PBXIP1: variants seen among roughly 807,000 people sequenced by gnomAD.
PBXIP1 encodes pre-B-cell leukemia transcription factor-interacting protein 1.
In PBXIP1, 73 loss-of-function variants were observed where a neutral mutation model predicts 73.7. The observed-to-expected ratio is 0.99, with a 90% CI of 0.82 to 1.20. The LOEUF is 1.20. Ranked by LOEUF, PBXIP1 falls within the 50% of genes most tolerant of loss-of-function variation. PBXIP1 has a pLI of 0.00. For synonymous variants in PBXIP1, 330 were observed against 366.9 expected (o/e 0.90, Z 1.15); for missense variants, 818 against 911.4 (o/e 0.90, Z 1.32).
intron 1 of PBXIP1, chr1:154,954,965 AACC>A: frequency 2.0e-6 from 2 of 984,908 alleles, no homozygotes; most frequent in Admixed American, 1.2e-4. Flanking sequence ...CTTTGAAACC[AACC>A]ACATTATCCC....
chr1:154,947,765 T>C, intron 7 of PBXIP1, 53 bp from the exon 8 acceptor site: 1 of 1,553,254 alleles, frequency 6.4e-7, no homozygotes, highest in Non-Finnish European at 8.8e-7. Context: ...GAGCCCATTC[T>C]CCCCACACCT....
At position 154,951,804 on chromosome 1, in the gene PBXIP1, C is replaced by A; in HGVS notation, c.169G>T (p.Asp57Tyr). Residue 57 changes from aspartate (D) to tyrosine (Y), a missense_variant, in exon 3 of 11, where the codon GAT (aspartate) becomes TAT (tyrosine). Asp to Tyr is a radical substitution (Grantham distance 160, BLOSUM62 -3). Coordinates refer to ENST00000368463, the MANE Select transcript of PBXIP1 (RefSeq NM_020524.4). The surrounding 1 kb of genome is among the most constrained non-coding windows in gnomAD (Gnocchi z 4.3). ...TDGKELAGTMDGEGTLFQTES... is the reference protein window; with the variant it reads ...TDGKELAGTMYGEGTLFQTES... ...AAGCAGGGCCCAGTACCTTCTCCATCCATGGTCCCAGCTAATTCTTTCCCA... is the reference window on the plus strand; with the variant it reads ...AAGCAGGGCCCAGTACCTTCTCCATACATGGTCCCAGCTAATTCTTTCCCA... 1 of 1,613,996 alleles carries A rather than the reference C, an allele frequency of 6.2e-7. No homozygotes were observed. The highest frequency in any genetic ancestry group is 8.5e-7 in the Non-Finnish European group (1 of 1,179,948).
At position 154,951,357 on chromosome 1, in the gene PBXIP1, C is replaced by T. The variant is rs1284978836; in HGVS notation, c.284G>A (p.Gly95Asp). The T allele has an allele frequency of 1.2e-6, 2 of 1,613,992 alleles. No homozygotes were observed. Among genetic ancestry groups the T allele is most frequent in the East Asian group, 4.5e-5 (2 of 44,900 alleles). ...TCCCTGGACTACTGTGTCTCCTGGG[C>T]CAGGAGGCTCCACACCACAAACATC... ...EGDVCGVEPPGPGDTVVQGDL... is the reference protein window; with the variant it reads ...EGDVCGVEPPDPGDTVVQGDL... The change falls in exon 5 of 11, where the codon GGC becomes GAC. Residue 95 changes from glycine to aspartate, a missense_variant. Gly to Asp is a moderately conservative substitution (Grantham distance 94). Transcript: ENST00000368463. This position sits in a 1 kb window ranked among gnomAD's most constrained non-coding sequence, Gnocchi z 4.3.
intron 1 of PBXIP1, among the ~76,000 whole-genome samples, 183 bp from the exon 2 acceptor site, chr1:154,953,940 A>C (rs1194815802): frequency 6.6e-6 from 1 of 152,170 alleles, no homozygotes; most frequent in Non-Finnish European, 1.5e-5. Flanking sequence ...TGCAAATCAG[A>C]ATCTGCCAAC....
At chr1:154,955,938 C>A (rs955725981) in intron 1 of PBXIP1, 131 bp downstream of exon 1, 5 of 152,390 alleles carry the variant, frequency 3.3e-5, no homozygotes, top group African/African-American at 1.2e-4. Context: ...TTAGCGTCGG[C>A]ACCTGGCCTT....
chr1:154,947,078 C>T, intron 9 of PBXIP1: 1 of 570,002 alleles, frequency 1.8e-6, no homozygotes, highest in Admixed American at 3.5e-5. Flanking sequence ...ATGTGTGGCT[C>T]TCACAGTCTT....
rs770126124 is a variant in PBXIP1 at position 154,948,316 on chromosome 1, C to A, written c.460G>T (p.Val154Leu). ...RCSSSDDDTDVDMEGLRRRRG... is the reference protein window; with the variant it reads ...RCSSSDDDTDLDMEGLRRRRG... ...CGTCTCCGCAGACCCTCCATGTCCA[C>A]GTCGGTGTCATCGTCACTGCTGGAG... is the stretch of plus-strand genomic sequence containing the variant. Residue 154 changes from valine (V) to leucine (L), a missense_variant, in exon 6 of 11, where the codon GTG becomes TTG. Physicochemically the swap from Val to Leu is conservative, Grantham distance 32 (BLOSUM62 1). Transcript: ENST00000368463. 2.5e-5 allele frequency: 41 copies of A among 1,610,046 alleles called. No individual in the cohort carries two copies. The highest frequency in any genetic ancestry group is 3.4e-5 in the Non-Finnish European group (40 of 1,178,562).
At chr1:154,953,834 T>C in intron 1 of PBXIP1, 77 bp from the exon 2 acceptor site, 1 of 936,584 alleles carries the variant, frequency 1.1e-6, no homozygotes, top group Non-Finnish European at 1.6e-6. Context: ...TTGGCTGGGT[T>C]CCAAGGTTCA....
chr1:154,953,193 A>T (rs1265422290), intron 2 of PBXIP1, among the ~76,000 whole-genome samples: 2 of 152,018 alleles, frequency 1.3e-5, no homozygotes, highest in Non-Finnish European at 2.9e-5. Flanking sequence ...GATTGTCCTG[A>T]TCCCTCTAAC....
In PBXIP1 at chr1:154,947,415, A is replaced by ACCTGCAGCTGGG. The variant is rs1654862555; in HGVS notation, c.860_870+1dup. The ACCTGCAGCTGGG allele has an allele frequency of 5.0e-6, 8 of 1,613,770 alleles. No homozygotes were observed. The highest frequency in any genetic ancestry group is 3.3e-5 in the Admixed American group (2 of 59,980). On this transcript the variant is annotated splice_donor_variant, in intron 9 of 10. Transcript: ENST00000368463. LOFTEE classifies it high-confidence loss of function. ...AGCCCAGCCCCTCCTGCCTGTGCCC[A>ACCTGCAGCTGGG]CCTGCAGCTGGGCCTGCAGCAGCCG...
In PBXIP1 at chr1:154,945,600, A is replaced by C. The variant is rs772949494; in HGVS notation, c.2074T>G (p.Phe692Val). 1.1e-5 allele frequency: 17 copies of C among 1,613,892 alleles called. No individual in the cohort carries two copies. In the South Asian group the frequency reaches 1.9e-4, roughly 18 times the overall value. ...DDFEDFIFSH[F>V]FGDKALKKRS... is the part of the protein sequence containing the mutation. ...TTCTTCAGTGCTTTGTCTCCAAAGA[A>C]GTGGCTGAAGATGAAGTCCTCAAAG... Residue 692 changes from phenylalanine to valine, a missense_variant, in exon 10 of 11, where the codon TTC becomes GTC. Phe to Val is a conservative substitution (Grantham distance 50). Transcript: ENST00000368463.
chr1:154,949,217 G>T (rs1242560584), intron 5 of PBXIP1, among the ~76,000 whole-genome samples: 2 of 151,636 alleles, frequency 1.3e-5, no homozygotes, highest in Non-Finnish European at 2.9e-5. Flanking sequence ...CCAGGCTGGA[G>T]TGCAGTGGCA....
Position 154,946,669 on chromosome 1 carries a change from C to A in PBXIP1, c.1005G>T (p.Arg335=). The stretch of plus-strand genomic sequence containing the variant: ...CGGCCTCCAGCCCCTGGAGCCGGGC[C>A]CGCAGCTGCTGCAGCTCTGACTCCA... The part of the protein sequence containing the change: ...RALESELQQL[R]ARLQGLEADC... Residue 335 remains arginine (R), a synonymous_variant, in exon 10 of 11, where the codon CGG becomes CGT. Transcript: ENST00000368463. The A allele has an allele frequency of 6.8e-6, 11 of 1,612,936 alleles. No individual in the cohort carries two copies. Among genetic ancestry groups the A allele is most frequent in the African/African-American group, 1.3e-5 (1 of 75,066 alleles).
At chr1:154,946,869 T>C (rs1465691028) in intron 9 of PBXIP1, 66 bp from the exon 10 acceptor site, 8 of 1,436,782 alleles carry the variant, frequency 5.6e-6, no homozygotes, top group Non-Finnish European at 7.5e-6. Context: ...CAATGCCTTC[T>C]ACCCCAATTC....
chr1:154,954,131 A>C (rs994109296), intron 1 of PBXIP1, among the ~76,000 whole-genome samples: 5 of 152,230 alleles, frequency 3.3e-5, no homozygotes, highest in Non-Finnish European at 7.3e-5. Context: ...GCCAATAAGA[A>C]GACTTGTTAA....
chr1:154,954,932 C>A (rs1218225204), intron 1 of PBXIP1: 5 of 978,410 alleles, frequency 5.1e-6, no homozygotes, highest in Non-Finnish European at 6.1e-6. Flanking sequence ...GGAAGTGAGG[C>A]TGGGAGAGTA....
Position 154,946,389 on chromosome 1 carries a change from A to C in PBXIP1, c.1285T>G (p.Leu429Val). The C allele has an allele frequency of 6.2e-7, 1 of 1,612,670 alleles. No homozygotes were observed. Among genetic ancestry groups the C allele is most frequent in the Non-Finnish European group, 8.5e-7 (1 of 1,179,762 alleles). The part of the protein sequence containing the change: ...ASRGDPAHAG[L>V]AELGHRLAQK... ...GCCAATCTGTGGCCCAGCTCAGCCA[A>C]GCCAGCATGAGCTGGGTCCCCGCGG... Residue 429 changes from leucine (L) to valine (V), a missense_variant, in exon 10 of 11, where the codon TTG becomes GTG. Physicochemically the swap from Leu to Val is conservative, Grantham distance 32. Transcript: ENST00000368463.
intron 2 of PBXIP1, 130 bp from the exon 3 acceptor site, chr1:154,952,051 TC>T: frequency 1.1e-6 from 1 of 934,490 alleles, no homozygotes; most frequent in Non-Finnish European, 1.6e-6. Flanking sequence ...TGCTCGGCAT[TC>T]CCCAGCCTCA....
In PBXIP1 at chr1:154,948,148, C is replaced by A. The variant is rs781384794; in HGVS notation, c.628G>T (p.Val210Phe). ...LGALVLLGLGVLLFSGGLSES... is the reference protein window; with the variant it reads ...LGALVLLGLGFLLFSGGLSES... ...TACCACTCACCTGAGAAGAGGAGGA[C>A]CCCCAGGCCAAGCAGAACCAGGGCC... is the stretch of plus-strand genomic sequence containing the variant. Residue 210 changes from valine (V) to phenylalanine (F), a missense_variant, in exon 6 of 11, where the codon GTC becomes TTC. Transcript: ENST00000368463. 3.8e-6 allele frequency: 6 copies of A among 1,585,044 alleles called. No individual in the cohort carries two copies. The Admixed American group carries it at 1.1e-4, about 28-fold the overall frequency.
Sources: allele counts gnomAD v4.1 joint callset (sites outside exome capture counted in the v4.1 genomes callset), GRCh38; gene constraint gnomAD v4.1.1; non-coding constraint Gnocchi (gnomAD v3.1); transcripts MANE v1.5; gene names NCBI Gene and HGNC (gene_info 2026-07-23, HGNC 2026-07-21).